Variants in CSTPP1 observed in about 807,000 individuals in gnomAD.
CSTPP1 encodes the protein centriolar satellite-associated tubulin polyglutamylase complex regulator 1, also known as UPF0705 protein C11orf49.
chr11:47,112,600 G>C, the CSTPP1 span, among the ~76,000 whole-genome samples: 1 of 152,174 alleles, frequency 6.6e-6, no homozygotes, highest in Non-Finnish European at 1.5e-5. Context: ...AGGACTACAG[G>C]CGTGAGCTGC....
the CSTPP1 span, chr11:47,164,276 G>C: frequency 6.2e-7 from 1 of 1,601,516 alleles, no homozygotes; most frequent in Non-Finnish European, 8.5e-7. Context: ...CACTGGGCAG[G>C]GAGGCAGGAT....
chr11:47,082,256 T>C, the CSTPP1 span, among the ~76,000 whole-genome samples: 1 of 149,274 alleles, frequency 6.7e-6, no homozygotes. Context: ...AGAGAGCTGA[T>C]AAAAAAAAAC....
At chr11:47,101,366 A>AT in the CSTPP1 span, among the ~76,000 whole-genome samples, 23 of 151,212 alleles carry the variant, frequency 1.5e-4, no homozygotes, top group African/African-American at 5.6e-4. Flanking sequence ...TTTAGGTAGT[A>AT]TTTTTTATTT....
At chr11:47,039,934 G>T in the CSTPP1 span, among the ~76,000 whole-genome samples, 3 of 129,120 alleles carry the variant, frequency 2.3e-5, 1 homozygote, top group Non-Finnish European at 5.5e-5. Context: ...AGGTCTGCTG[G>T]AACTCGCCAA....
chr11:46,977,365 G>T, the CSTPP1 span, among the ~76,000 whole-genome samples: 1 of 152,214 alleles, frequency 6.6e-6, no homozygotes, highest in Non-Finnish European at 1.5e-5. Context: ...CTCTTGTGAT[G>T]TCTGTGAAAT....
chr11:46,995,987 A>T, the CSTPP1 span, among the ~76,000 whole-genome samples: 2 of 152,156 alleles, frequency 1.3e-5, no homozygotes. Flanking sequence ...TATATTTAGG[A>T]TAGTTAGCTC....
chr11:47,134,978 A>C, the CSTPP1 span, among the ~76,000 whole-genome samples: 2 of 152,016 alleles, frequency 1.3e-5, no homozygotes, highest in African/African-American at 2.4e-5. Flanking sequence ...GTGTGGTGGC[A>C]TATGCTTGTA....
At chr11:47,113,012 C>T in the CSTPP1 span, among the ~76,000 whole-genome samples, 1 of 152,146 alleles carries the variant, frequency 6.6e-6, no homozygotes, top group Non-Finnish European at 1.5e-5. Flanking sequence ...CACGACAGGA[C>T]CCGGTGTGTG....
chr11:46,976,960 A>T, the CSTPP1 span, among the ~76,000 whole-genome samples: 1 of 152,150 alleles, frequency 6.6e-6, no homozygotes, highest in Non-Finnish European at 1.5e-5. Flanking sequence ...TCAAGGGTCA[A>T]TCGTATTTCA....
At chr11:47,051,494 G>A in the CSTPP1 span, among the ~76,000 whole-genome samples, 1 of 151,868 alleles carries the variant, frequency 6.6e-6, no homozygotes, top group South Asian at 2.1e-4. Flanking sequence ...TTATACCCTT[G>A]TTTCTATTTT....
chr11:47,101,185 T>TA, the CSTPP1 span, among the ~76,000 whole-genome samples: 4 of 102,370 alleles, frequency 3.9e-5, no homozygotes, highest in Admixed American at 1.3e-4. Context: ...TTTTTTTTTT[T>TA]TTTTATTTTA....
chr11:47,027,986 C>T, the CSTPP1 span, among the ~76,000 whole-genome samples: 3 of 147,260 alleles, frequency 2.0e-5, no homozygotes, highest in African/African-American at 5.1e-5. Context: ...TGCAGTGGCA[C>T]GATCTCGGCT....
At chr11:47,163,800 C>A in the CSTPP1 span, among the ~76,000 whole-genome samples, 1 of 151,966 alleles carries the variant, frequency 6.6e-6, no homozygotes, top group African/African-American at 2.4e-5. Context: ...ACCACACCGC[C>A]CCCACCCCGC....
At chr11:47,072,037 T>C in the CSTPP1 span, among the ~76,000 whole-genome samples, 1 of 152,240 alleles carries the variant, frequency 6.6e-6, no homozygotes, top group Admixed American at 6.5e-5. Context: ...GCTGAGTTAT[T>C]TACTAAGATG....
At chr11:47,152,861 C>A in the CSTPP1 span, among the ~76,000 whole-genome samples, 1 of 152,148 alleles carries the variant, frequency 6.6e-6, no homozygotes, top group African/African-American at 2.4e-5. Context: ...ATATTCACAG[C>A]CCAGTGCTGT....
At chr11:47,113,118 T>G in the CSTPP1 span, among the ~76,000 whole-genome samples, 1 of 152,324 alleles carries the variant, frequency 6.6e-6, no homozygotes, top group African/African-American at 2.4e-5. Flanking sequence ...GTGACAGTTT[T>G]CTGAGAATGA....
At chr11:47,066,277 G>A in the CSTPP1 span, among the ~76,000 whole-genome samples, 5 of 151,542 alleles carry the variant, frequency 3.3e-5, no homozygotes, top group Admixed American at 1.3e-4. Context: ...TAACATTGAT[G>A]AGGAAAAAAA....
chr11:47,092,578 T>C, the CSTPP1 span, among the ~76,000 whole-genome samples: 1 of 152,184 alleles, frequency 6.6e-6, no homozygotes, highest in East Asian at 1.9e-4. Flanking sequence ...AATCATGACA[T>C]CTTACCCCTC....
the CSTPP1 span, among the ~76,000 whole-genome samples, chr11:47,046,653 T>G: frequency 8.6e-6 from 1 of 116,322 alleles, no homozygotes; most frequent in Non-Finnish European, 1.8e-5. Context: ...TTCTTTTATC[T>G]TCTTTTCTTT....
Sources: gnomAD v4.1 joint callset for allele counts (sites outside exome capture counted in the v4.1 genomes callset) on GRCh38, gnomAD v4.1.1 for gene constraint, MANE v1.5 for transcripts, NCBI Gene and HGNC (gene_info 2026-07-23, HGNC 2026-07-21) for gene names.